Variants in MAPK4 observed in about 807,000 individuals in gnomAD.
MAPK4 encodes Erk3-related.
Under a neutral mutation model 47.7 loss-of-function variants are expected in MAPK4, and 22 were observed. The ratio of observed to expected loss-of-function variants is 0.46; its 90% confidence interval spans 0.33 to 0.66. The LOEUF (loss-of-function observed/expected upper bound fraction) is 0.66, where lower values mean the gene tolerates loss of function less well. Ranked by LOEUF, MAPK4 falls within the 30% of genes least tolerant of loss-of-function variation. MAPK4 has a pLI of 0.02. For synonymous variants in MAPK4, 390 were observed against 365.7 expected (o/e 1.07, Z -0.76); for missense variants, 736 against 831.7 (o/e 0.88, Z 1.42).
chr18:50,669,736 G>A (rs758203067), intron 2 of MAPK4: 1 of 152,328 alleles, frequency 6.6e-6, no homozygotes, highest in African/African-American at 2.4e-5. Flanking sequence ...AAAATTAGGT[G>A]GGTATGGTAT....
In MAPK4 at chr18:50,730,172, C is replaced by T; in HGVS notation, c.*318C>T. 1 of 234,786 alleles carries T rather than the reference C, an allele frequency of 4.3e-6. No individual in the cohort carries two copies. Among genetic ancestry groups the T allele is most frequent in the Non-Finnish European group, 8.3e-6 (1 of 121,170 alleles). 14.5% of individuals were successfully genotyped at this position (234,786 alleles called of 1,614,324 possible). The stretch of plus-strand genomic sequence containing the variant: ...GGGCCCCACCTGGGTGGCAGGATGC[C>T]GAGAAATCTTGCAGAGGTAGCTCCG... On this transcript the variant is annotated 3_prime_UTR_variant, in exon 6 of 6. Coordinates refer to ENST00000400384, the MANE Select transcript of MAPK4 (RefSeq NM_002747.4).
At chr18:50,684,954 G>T (rs1291594025) in intron 2 of MAPK4, among the ~76,000 whole-genome samples, 3 of 152,194 alleles carry the variant, frequency 2.0e-5, no homozygotes, top group African/African-American at 7.2e-5. Flanking sequence ...TTGTTCACCT[G>T]GCTGTCCTCC....
At chr18:50,708,026 A>G (rs1159841267) in intron 2 of MAPK4, among the ~76,000 whole-genome samples, 3 of 152,236 alleles carry the variant, frequency 2.0e-5, no homozygotes, top group African/African-American at 7.2e-5. Context: ...TAGCTGCGTA[A>G]TAGAACGTGC....
chr18:50,695,453 T>C (rs1056435971), intron 2 of MAPK4, among the ~76,000 whole-genome samples: 3 of 152,016 alleles, frequency 2.0e-5, no homozygotes, highest in African/African-American at 7.2e-5. Context: ...TATGGAACAC[T>C]TTCCTTTCCA....
At chr18:50,637,763 C>A (rs941565877) in intron 1 of MAPK4, among the ~76,000 whole-genome samples, 3 of 152,200 alleles carry the variant, frequency 2.0e-5, no homozygotes, top group African/African-American at 7.2e-5. Context: ...GGAGGTCTCT[C>A]TCCCTGGCTT....
At chr18:50,719,814 C>A (rs1910840768) in intron 3 of MAPK4, among the ~76,000 whole-genome samples, 1 of 152,256 alleles carries the variant, frequency 6.6e-6, no homozygotes, top group Non-Finnish European at 1.5e-5. Context: ...TTCAGGCTCA[C>A]TGTCTGTGGT....
Position 50,729,795 on chromosome 18 carries a change from A to T in MAPK4, c.1705A>T (p.Ile569Phe). The part of the protein sequence containing the change: ...NKLGDLNGAC[I>F]PEHPGDLVQT... Reference sequence around the variant, plus strand: ...ACTGGGCGACCTCAATGGTGCGTGCATCCCCGAGCACCCTGGCGACCTCGT... The same window carrying T: ...ACTGGGCGACCTCAATGGTGCGTGCTTCCCCGAGCACCCTGGCGACCTCGT... Residue 569 changes from isoleucine to phenylalanine, a missense_variant, in exon 6 of 6, where the codon ATC becomes TTC. Ile to Phe is a conservative substitution (Grantham distance 21). This residue lies in a region of MAPK4 where 377 missense variants were observed against 378.6 expected (regional missense o/e 1.00). Coordinates refer to ENST00000400384, the MANE Select transcript of MAPK4 (RefSeq NM_002747.4). 2 of 1,612,472 alleles carry T rather than the reference A, an allele frequency of 1.2e-6. No individual in the cohort carries two copies. The highest frequency in any genetic ancestry group is 8.5e-7 in the Non-Finnish European group (1 of 1,179,776).
Position 50,726,002 on chromosome 18 carries a change from G to A in MAPK4, c.894G>A (p.Met298Ile), listed in dbSNP as rs1911172540. 1 of 1,614,136 alleles carries A rather than the reference G, an allele frequency of 6.2e-7. No individual in the cohort carries two copies. Residue 298 changes from methionine to isoleucine, a missense_variant, in exon 5 of 6, where the codon ATG becomes ATA. Transcript: ENST00000400384. ...AGAAGATCCTGACCTTTAACCCCATGGATCGCCTAACAGCTGAGATGGGGC... is the reference window on the plus strand; with the variant it reads ...AGAAGATCCTGACCTTTAACCCCATAGATCGCCTAACAGCTGAGATGGGGC... ...FLEKILTFNP[M>I]DRLTAEMGLQ...
intron 2 of MAPK4, among the ~76,000 whole-genome samples, chr18:50,704,372 G>C (rs867063778): frequency 6.6e-6 from 1 of 152,134 alleles, no homozygotes; most frequent in Non-Finnish European, 1.5e-5. Context: ...AGCCAGGCGT[G>C]GTGGTGCATG....
intron 1 of MAPK4, among the ~76,000 whole-genome samples, chr18:50,659,386 A>G (rs2144235560): frequency 6.6e-6 from 1 of 152,328 alleles, no homozygotes; most frequent in South Asian, 2.1e-4. Context: ...GTGAAATGTC[A>G]GCACCTTGCT....
intron 1 of MAPK4, among the ~76,000 whole-genome samples, chr18:50,591,042 C>T (rs760183214): frequency 2.6e-5 from 4 of 152,168 alleles, no homozygotes; most frequent in South Asian, 2.1e-4. Flanking sequence ...TCTTTTTAAA[C>T]GTGATAATGC....
At chr18:50,610,412 G>C (rs747948935) in intron 1 of MAPK4, among the ~76,000 whole-genome samples, 24 of 152,252 alleles carry the variant, frequency 1.6e-4, no homozygotes, top group Non-Finnish European at 2.4e-4. Context: ...CCTCTGAGGG[G>C]TATGGTGAGG....
intron 1 of MAPK4, among the ~76,000 whole-genome samples, chr18:50,625,915 CACACACACACACAT>C (rs748514821): frequency 1.0e-3 from 51 of 49,392 alleles, no homozygotes; most frequent in East Asian, 4.9e-3. Context: ...CACACACACA[CACACACACACACAT>C]ATATAATGAC....
intron 1 of MAPK4, among the ~76,000 whole-genome samples, chr18:50,643,303 A>G (rs894071822): frequency 6.6e-6 from 1 of 152,224 alleles, no homozygotes; most frequent in Admixed American, 6.5e-5. Context: ...ACTCAAGGTC[A>G]GGAGTTTGAG....
At chr18:50,612,144 T>C (rs779865186) in intron 1 of MAPK4, among the ~76,000 whole-genome samples, 6 of 152,200 alleles carry the variant, frequency 3.9e-5, no homozygotes, top group Non-Finnish European at 7.3e-5. Flanking sequence ...GAATTTTATA[T>C]TTTATGGATT....
intron 1 of MAPK4, among the ~76,000 whole-genome samples, chr18:50,638,455 C>A (rs1429588167): frequency 2.6e-5 from 4 of 152,192 alleles, no homozygotes; most frequent in Admixed American, 2.0e-4. Context: ...ACTTTTAATA[C>A]AAACAACAAC....
intron 2 of MAPK4, among the ~76,000 whole-genome samples, chr18:50,706,935 G>C (rs573847367): frequency 6.6e-6 from 1 of 152,268 alleles, no homozygotes; most frequent in African/African-American, 2.4e-5. Flanking sequence ...CAGAGTTCTT[G>C]ATTTGGACCC....
intron 1 of MAPK4, among the ~76,000 whole-genome samples, chr18:50,643,099 A>AT (rs1382262603): frequency 6.6e-6 from 1 of 151,894 alleles, no homozygotes; most frequent in East Asian, 1.9e-4. Flanking sequence ...TTTCCACTGT[A>AT]TTTTTTCTTC....
At chr18:50,626,250 T>G (rs2042776854) in intron 1 of MAPK4, among the ~76,000 whole-genome samples, 1 of 152,196 alleles carries the variant, frequency 6.6e-6, no homozygotes, top group South Asian at 2.1e-4. Flanking sequence ...ACCAAATATC[T>G]GGGCACCGTG....
Sources: allele counts gnomAD v4.1 joint callset (sites outside exome capture counted in the v4.1 genomes callset), GRCh38; gene constraint gnomAD v4.1.1; regional missense constraint gnomAD v4.1.1; transcripts MANE v1.5; gene names NCBI Gene and HGNC (gene_info 2026-07-23, HGNC 2026-07-21).